CYP2C19: variants seen among roughly 807,000 people sequenced by gnomAD.
CYP2C19 encodes the protein cytochrome P450 2C19.
Under a neutral mutation model 40.9 loss-of-function variants are expected in CYP2C19, and 59 were observed. The observed-to-expected ratio is 1.44, with a 90% CI of 1.17 to 1.79. The LOEUF is 1.79. CYP2C19 is among the 40% of genes most tolerant of loss of function. The pLI is 0.00. For synonymous variants in CYP2C19, 253 were observed against 208.7 expected, an observed-to-expected ratio of 1.21 and a Z score of -1.83; for missense variants, 754 against 596.9, an observed-to-expected ratio of 1.26 and a Z score of -2.74.
intron 5 of CYP2C19, among the ~76,000 whole-genome samples, chr10:94,802,833 T>C (rs1848785329): frequency 6.6e-6 from 1 of 152,170 alleles, no homozygotes; most frequent in Admixed American, 6.5e-5. Context: ...TATTTCTCCT[T>C]CACTTATGAA....
At chr10:94,843,110 G>T in intron 7 of CYP2C19, 86 bp downstream of exon 7, 2 of 1,506,356 alleles carry the variant, frequency 1.3e-6, no homozygotes, top group Non-Finnish European at 1.8e-6. Flanking sequence ...CCATCACTGG[G>T]TGAGAGAAGT....
At position 94,788,337 on chromosome 10, in the gene CYP2C19, A is replaced by G. The variant is rs115937760; in HGVS notation, c.819+6340A>G. ...CTTCTAGGTCTGAGATGGAGCTTCT[A>G]TATCTACTAGTAAAAGATTAGCCTT... On this transcript the variant is annotated intron_variant, in intron 5 of 8. Transcript: ENST00000371321. Among the ~76,000 whole-genome samples, 712 of 152,194 alleles carry G rather than the reference A, an allele frequency of 4.7e-3. 4 individuals carry two copies. Among genetic ancestry groups the G allele is most frequent in the African/African-American group, 0.017 (689 of 41,548 alleles).
chr10:94,794,425 C>G (rs1848654135), intron 5 of CYP2C19, among the ~76,000 whole-genome samples: 1 of 152,190 alleles, frequency 6.6e-6, no homozygotes, highest in African/African-American at 2.4e-5. Context: ...AATCACCCAT[C>G]TTCTACATTG....
intron 6 of CYP2C19, among the ~76,000 whole-genome samples, chr10:94,830,998 T>C (rs1191665428): frequency 6.6e-6 from 1 of 152,206 alleles, no homozygotes; most frequent in Non-Finnish European, 1.5e-5. Flanking sequence ...TAGTAGGTCT[T>C]ATTCATCCCT....
At position 94,850,019 on chromosome 10, in the gene CYP2C19, A is replaced by G. The variant is rs776970249; in HGVS notation, c.1252A>G (p.Asn418Asp). Reference protein sequence around the residue: ...DPRHFLDEGGNFKKSNYFMPF... With the variant: ...DPRHFLDEGGDFKKSNYFMPF... ...TCGTCACTTTCTGGATGAAGGTGGA[A>G]ATTTTAAGAAAAGTAACTACTTCAT... is the stretch of plus-strand genomic sequence containing the variant. The change falls in exon 8 of 9, where the codon AAT becomes GAT. Residue 418 changes from asparagine to aspartate, a missense_variant. Physicochemically the swap from Asn to Asp is conservative, Grantham distance 23. Transcript: ENST00000371321. 35 of 1,613,566 alleles carry G rather than the reference A, an allele frequency of 2.2e-5. No homozygotes were observed. The highest frequency in any genetic ancestry group is 2.7e-5 in the African/African-American group (2 of 74,888).
In CYP2C19 at chr10:94,853,895, TTAC is replaced by T. The variant is rs1849693888; in HGVS notation, c.*983_*985del. Among the ~76,000 whole-genome samples the T allele has an allele frequency of 6.6e-6, 1 of 152,174 alleles. No homozygotes were observed. Among genetic ancestry groups the T allele is most frequent in the Non-Finnish European group, 1.5e-5 (1 of 68,030 alleles). On this transcript the variant is annotated 3_prime_UTR_variant, in exon 9 of 9. Coordinates refer to ENST00000371321, the MANE Select transcript of CYP2C19 (RefSeq NM_000769.4). Reference sequence around the variant, plus strand: ...CTTTATCTCTAAATAAAGAATCAGGTTACTTTTATTACTTCATGTTTCCAACTT... The same window carrying T: ...CTTTATCTCTAAATAAAGAATCAGGTTTTTATTACTTCATGTTTCCAACTT...
chr10:94,814,498 C>T (rs112082007), intron 5 of CYP2C19, among the ~76,000 whole-genome samples: 7,071 of 150,736 alleles, frequency 0.047, 172 homozygotes, highest in South Asian at 0.11. Flanking sequence ...GTGCAGGTGA[C>T]GAAGAGTGGG....
chr10:94,832,711 G>GT (rs370709834), intron 6 of CYP2C19, among the ~76,000 whole-genome samples: 2,118 of 151,526 alleles, frequency 0.014, 21 homozygotes, highest in Non-Finnish European at 0.015. Flanking sequence ...CTCCAGTTTT[G>GT]TTTTTTTTGC....
chr10:94,798,703 T>G (rs1360722679), intron 5 of CYP2C19, among the ~76,000 whole-genome samples: 2 of 152,084 alleles, frequency 1.3e-5, no homozygotes, highest in Non-Finnish European at 2.9e-5. Context: ...TTTAGGATAG[T>G]TAGCTCTTCT....
rs1849675882 is a variant in CYP2C19, at chr10:94,852,847, C to A, written c.1406C>A (p.Thr469Lys). Residue 469 changes from threonine (T) to lysine (K), a missense_variant, in exon 9 of 9, where the codon ACA (threonine) becomes AAA (lysine). Coordinates refer to ENST00000371321, the MANE Select transcript of CYP2C19 (RefSeq NM_000769.4). ...KSLIDPKDLD[T>K]TPVVNGFASV... ...CTGATTGACCCAAAGGACCTTGACACAACTCCTGTTGTCAATGGATTTGCT... is the reference window on the plus strand; with the variant it reads ...CTGATTGACCCAAAGGACCTTGACAAAACTCCTGTTGTCAATGGATTTGCT... 2.5e-6 allele frequency: 4 copies of A among 1,614,070 alleles called. No homozygotes were observed. The highest frequency in any genetic ancestry group is 2.5e-6 in the Non-Finnish European group (3 of 1,179,986).
At chr10:94,829,350 G>T (rs1442160079) in intron 6 of CYP2C19, among the ~76,000 whole-genome samples, 4 of 152,138 alleles carry the variant, frequency 2.6e-5, no homozygotes, top group South Asian at 2.1e-4. Context: ...TTTCTTGGAG[G>T]CTTTGCTCAT....
At chr10:94,840,839 C>A (rs1849484016) in intron 6 of CYP2C19, among the ~76,000 whole-genome samples, 1 of 152,166 alleles carries the variant, frequency 6.6e-6, no homozygotes, top group Admixed American at 6.5e-5. Flanking sequence ...AGCCCTTCCC[C>A]AGATAACCTT....
intron 5 of CYP2C19, among the ~76,000 whole-genome samples, chr10:94,800,007 A>G (rs567289851): frequency 2.6e-5 from 4 of 152,178 alleles, no homozygotes; most frequent in South Asian, 4.1e-4. Flanking sequence ...ACTTCTGTCA[A>G]CTCATCAAAG....
At chr10:94,797,722 G>A (rs943104261) in intron 5 of CYP2C19, among the ~76,000 whole-genome samples, 2 of 151,708 alleles carry the variant, frequency 1.3e-5, no homozygotes, top group African/African-American at 4.8e-5. Flanking sequence ...GTCTTGGGAG[G>A]GTGTATTTGT....
At chr10:94,822,827 T>A (rs112218875) in intron 6 of CYP2C19, among the ~76,000 whole-genome samples, 1 of 152,154 alleles carries the variant, frequency 6.6e-6, no homozygotes. Flanking sequence ...CTCTGATGAT[T>A]AGTGATGTTG....
chr10:94,771,814 C>G (rs1327056871), intron 1 of CYP2C19, among the ~76,000 whole-genome samples: 4 of 152,136 alleles, frequency 2.6e-5, no homozygotes, highest in Non-Finnish European at 5.9e-5. Flanking sequence ...GTCCCTGGAC[C>G]TTGCTGATCA....
chr10:94,849,576 A>G (rs1849621493), intron 7 of CYP2C19, among the ~76,000 whole-genome samples: 1 of 150,526 alleles, frequency 6.6e-6, no homozygotes, highest in Non-Finnish European at 1.5e-5. Flanking sequence ...GGTGTGCTGC[A>G]CCCATTAACT....
chr10:94,843,458 G>A (rs1589376957), intron 7 of CYP2C19, among the ~76,000 whole-genome samples: 1 of 152,182 alleles, frequency 6.6e-6, no homozygotes, highest in Non-Finnish European at 1.5e-5. Flanking sequence ...TATTTTCCCA[G>A]GAATGTTGTG....
intron 5 of CYP2C19, among the ~76,000 whole-genome samples, chr10:94,812,966 C>T (rs1589363855): frequency 6.6e-6 from 1 of 151,294 alleles, no homozygotes; most frequent in Non-Finnish European, 1.5e-5. Flanking sequence ...AATTTTCAGC[C>T]TTTTTGTGCT....
Sources: allele counts gnomAD v4.1 joint callset (sites outside exome capture counted in the v4.1 genomes callset), GRCh38; gene constraint gnomAD v4.1.1; transcripts MANE v1.5; gene names NCBI Gene and HGNC (gene_info 2026-07-23, HGNC 2026-07-21).